JAZF1: variants seen among roughly 807,000 people sequenced by gnomAD.
JAZF1 encodes the protein juxtaposed with another zinc finger protein 1.
A neutral mutation model predicts 26.4 loss-of-function variants in JAZF1; 8 were observed. The observed-to-expected ratio is 0.30, with a 90% CI of 0.18 to 0.55. JAZF1 has a LOEUF of 0.55. Among genes scored for constraint, JAZF1 ranks in the 20% least tolerant of loss-of-function variants. JAZF1 has a pLI of 0.94. For synonymous variants in JAZF1, 126 were observed against 122.3 expected (o/e 1.03, Z -0.20); for missense variants, 199 against 322.0 (o/e 0.62, Z 2.92).
intron 1 of JAZF1, among the ~76,000 whole-genome samples, chr7:28,142,923 G>A (rs1782979005): frequency 6.6e-6 from 1 of 152,156 alleles, no homozygotes; most frequent in African/African-American, 2.4e-5. Context: ...AGCTTCTTCT[G>A]TGTTCTGGGG....
chr7:27,916,238 T>C (rs578104774), intron 2 of JAZF1, among the ~76,000 whole-genome samples: 2 of 151,280 alleles, frequency 1.3e-5, no homozygotes, highest in African/African-American at 4.8e-5. Context: ...AACCCAACAT[T>C]TCAGTGATGG....
At chr7:27,977,465 A>G (rs1785498115) in intron 2 of JAZF1, among the ~76,000 whole-genome samples, 1 of 152,126 alleles carries the variant, frequency 6.6e-6, no homozygotes, top group Non-Finnish European at 1.5e-5. Context: ...CCTTATTTCT[A>G]ATTTGAAGTC....
intron 2 of JAZF1, among the ~76,000 whole-genome samples, chr7:27,920,537 C>T (rs1331292662): frequency 1.3e-5 from 2 of 152,134 alleles, no homozygotes; most frequent in African/African-American, 4.8e-5. Context: ...TTCTGCTTTC[C>T]TCTGCTTCCC....
chr7:28,004,176 A>G (rs528056593), intron 1 of JAZF1, among the ~76,000 whole-genome samples: 1 of 152,326 alleles, frequency 6.6e-6, no homozygotes, highest in Non-Finnish European at 1.5e-5. Context: ...CCTGGACTTT[A>G]GAGAAATGGC....
At chr7:28,100,754 G>A (rs1484333033) in intron 1 of JAZF1, among the ~76,000 whole-genome samples, 1 of 148,900 alleles carries the variant, frequency 6.7e-6, no homozygotes, top group Admixed American at 6.9e-5. Context: ...CTTTAAAAAT[G>A]TGCTGAAATT....
At chr7:28,024,017 G>A (rs1391248292) in intron 1 of JAZF1, among the ~76,000 whole-genome samples, 3 of 152,054 alleles carry the variant, frequency 2.0e-5, no homozygotes, top group Non-Finnish European at 4.4e-5. Flanking sequence ...TAGGCACAGT[G>A]GCTCATGCCT....
Position 27,891,177 on chromosome 7 carries a change from A to G in JAZF1, c.385+4043T>C, listed in dbSNP as rs184542623. 4.6e-3 allele frequency among the ~76,000 whole-genome samples: 700 copies of G among 152,152 alleles called. 2 individuals are homozygous for G. The highest frequency in any genetic ancestry group is 0.016 in the African/African-American group (665 of 41,536). ...TTAATCACATTTATTTTTCAATTCCATTTCTCTATTATGTAAACCAGGGGT... is the reference window on the plus strand; with the variant it reads ...TTAATCACATTTATTTTTCAATTCCGTTTCTCTATTATGTAAACCAGGGGT... On this transcript the variant is annotated intron_variant, in intron 3 of 4. Coordinates refer to ENST00000283928, the MANE Select transcript of JAZF1 (RefSeq NM_175061.4).
At chr7:28,022,110 CTG>C (rs1783016531) in intron 1 of JAZF1, among the ~76,000 whole-genome samples, 1 of 152,224 alleles carries the variant, frequency 6.6e-6, no homozygotes, top group African/African-American at 2.4e-5. Context: ...GCACTGAAGA[CTG>C]TTTTCTATGA....
intron 1 of JAZF1, among the ~76,000 whole-genome samples, chr7:28,078,902 A>G (rs1784094358): frequency 6.6e-6 from 1 of 152,208 alleles, no homozygotes; most frequent in Non-Finnish European, 1.5e-5. Context: ...TAGAACTAGA[A>G]TAACTGACTT....
intron 1 of JAZF1, among the ~76,000 whole-genome samples, chr7:28,097,426 AG>A (rs1396789105): frequency 2.0e-5 from 3 of 152,368 alleles, no homozygotes; most frequent in African/African-American, 7.2e-5. Flanking sequence ...AGCATTTATT[AG>A]GTGTCTCTAA....
chr7:27,909,024 T>TTCATTCATTCAC (rs1483130264), intron 2 of JAZF1, among the ~76,000 whole-genome samples: 1 of 151,732 alleles, frequency 6.6e-6, no homozygotes. Flanking sequence ...CATTCATTCA[T>TTCATTCATTCAC]TCAGAGGCAG....
At position 28,083,410 on chromosome 7, in the gene JAZF1, C is replaced by T. The variant is rs141281523; in HGVS notation, c.116-91429G>A. 2.2e-4 allele frequency among the ~76,000 whole-genome samples: 33 copies of T among 152,248 alleles called. No individual in the cohort carries two copies. In the East Asian group the frequency reaches 2.3e-3, roughly 11 times the overall value. On this transcript the variant is annotated intron_variant, in intron 1 of 4. Coordinates refer to ENST00000283928, the MANE Select transcript of JAZF1 (RefSeq NM_175061.4). Reference sequence around the variant, plus strand: ...GTACCTGACCTATGAGTTATTGATACGTAATGGGAGTACCATGGGTTGCAG... The same window carrying T: ...GTACCTGACCTATGAGTTATTGATATGTAATGGGAGTACCATGGGTTGCAG...
chr7:27,898,957 C>A (rs1323154038), intron 2 of JAZF1, among the ~76,000 whole-genome samples: 2 of 152,076 alleles, frequency 1.3e-5, no homozygotes, highest in Non-Finnish European at 2.9e-5. Flanking sequence ...ACACACACAC[C>A]CACACCACCC....
intron 1 of JAZF1, among the ~76,000 whole-genome samples, chr7:28,102,559 G>C (rs546307621): frequency 1.3e-5 from 2 of 149,652 alleles, no homozygotes; most frequent in Non-Finnish European, 3.0e-5. Context: ...CATAGTTGGT[G>C]AAAAGGGGTA....
rs555763945 is a variant in JAZF1 at position 28,018,465 on chromosome 7, C to T, written c.116-26484G>A. 7.0e-4 allele frequency among the ~76,000 whole-genome samples: 107 copies of T among 152,296 alleles called. 1 individual carries two copies. The highest frequency in any genetic ancestry group is 1.2e-3 in the Non-Finnish European group (79 of 68,028). On this transcript the variant is annotated intron_variant, in intron 1 of 4. Coordinates refer to ENST00000283928, the MANE Select transcript of JAZF1 (RefSeq NM_175061.4). Reference sequence around the variant, plus strand: ...CTCTGAAAAGACGGCCCCAGAATCACGGTGACTACATGTCACACTTTGCCA... The same window carrying T: ...CTCTGAAAAGACGGCCCCAGAATCATGGTGACTACATGTCACACTTTGCCA...
intron 1 of JAZF1, among the ~76,000 whole-genome samples, chr7:28,032,622 T>C (rs1219349723): frequency 6.6e-6 from 1 of 152,152 alleles, no homozygotes; most frequent in African/African-American, 2.4e-5. Flanking sequence ...ATCTTCACTT[T>C]AATAAGAATT....
intron 1 of JAZF1, among the ~76,000 whole-genome samples, chr7:28,118,387 C>T (rs1174548969): frequency 6.6e-6 from 1 of 151,962 alleles, no homozygotes; most frequent in East Asian, 1.9e-4. Flanking sequence ...TGGTGGTGGG[C>T]GCCTGTAGTC....
intron 1 of JAZF1, chr7:28,071,799 T>C (rs1783982572): frequency 2.7e-6 from 1 of 365,732 alleles, no homozygotes; most frequent in African/African-American, 2.1e-5. Flanking sequence ...CTGCTTTCGA[T>C]TTGCATTATT....
chr7:27,937,452 G>C (rs1189064839), intron 2 of JAZF1, among the ~76,000 whole-genome samples: 1 of 152,188 alleles, frequency 6.6e-6, no homozygotes, highest in Admixed American at 6.5e-5. Flanking sequence ...GTTGCCATTA[G>C]TATTGTTGAA....
Sources: gnomAD v4.1 joint callset for allele counts (sites outside exome capture counted in the v4.1 genomes callset) on GRCh38, gnomAD v4.1.1 for gene constraint, MANE v1.5 for transcripts, NCBI Gene and HGNC (gene_info 2026-07-23, HGNC 2026-07-21) for gene names.